MRPL10: variants seen among roughly 807,000 people sequenced by gnomAD.
The protein encoded by MRPL10 is mitochondrial ribosomal protein L10.
MRPL10 carries 14 observed loss-of-function variants against 19.8 expected under a neutral mutation model. That is an observed-to-expected ratio of 0.71 (90% CI 0.47 to 1.11). The LOEUF (loss-of-function observed/expected upper bound fraction) is 1.11, where lower values mean the gene tolerates loss of function less well. MRPL10 is among the 50% of genes least tolerant of loss of function. The pLI is 0.00. For missense variants in MRPL10, 318 were observed against 339.6 expected, an observed-to-expected ratio of 0.94 and a Z score of 0.50; for synonymous variants, 129 against 139.2, an observed-to-expected ratio of 0.93 and a Z score of 0.52.
chr17:47,826,932 G>A (rs1348307141), intron 3 of MRPL10, 108 bp downstream of exon 3: 1 of 1,448,862 alleles, frequency 6.9e-7, no homozygotes, highest in Non-Finnish European at 9.5e-7. Context: ...GGTGACTCAT[G>A]GAGAGGAGGA....
chr17:47,828,264 C>T, intron 2 of MRPL10: 2 of 376,118 alleles, frequency 5.3e-6, no homozygotes, highest in Non-Finnish European at 9.4e-6. Context: ...GGGTAGCTCT[C>T]ACACACACAT....
chr17:47,824,747 C>T (rs1321199316), intron 4 of MRPL10, among the ~76,000 whole-genome samples: 1 of 152,202 alleles, frequency 6.6e-6, no homozygotes, highest in Non-Finnish European at 1.5e-5. Context: ...GGTGTGGTGG[C>T]TCATGCCTGT....
At chr17:47,828,227 A>G in intron 2 of MRPL10, 1 of 287,114 alleles carries the variant, frequency 3.5e-6, no homozygotes, top group Admixed American at 5.2e-5. Context: ...AAGATTGGAG[A>G]GATACTCTCC....
intron 2 of MRPL10, 44 bp from the exon 3 acceptor site, chr17:47,827,248 T>C (rs1305328957): frequency 6.4e-7 from 1 of 1,551,704 alleles, no homozygotes. Flanking sequence ...AGCTGCCACT[T>C]CTCCTGGCAA....
At position 47,828,563 on chromosome 17, in the gene MRPL10, T is replaced by C; in HGVS notation, c.160A>G (p.Ile54Val). ...RQKLMAVTEY[I>V]PPKPAIHPSC... ...GGGTGGATGGCTGGTTTCGGGGGGA[T>C]ATATTCAGTCACAGCCATCAGCTTC... The change falls in exon 2 of 5, where the codon ATC becomes GTC. Residue 54 changes from isoleucine to valine, a missense_variant. By Grantham distance (29) the Ile-to-Val change is conservative. Transcript: ENST00000351111. The C allele has an allele frequency of 2.0e-6, 3 of 1,506,320 alleles. No individual in the cohort carries two copies. The highest frequency in any genetic ancestry group is 5.4e-5 in the East Asian group (2 of 36,948). 93.3% of individuals were successfully genotyped at this position (1,506,320 alleles called of 1,614,324 possible).
chr17:47,827,852 G>A (rs1007438873), intron 2 of MRPL10, among the ~76,000 whole-genome samples: 1 of 116,884 alleles, frequency 8.6e-6, no homozygotes, highest in African/African-American at 3.3e-5. Flanking sequence ...AGCCAAGAGT[G>A]TCCCACTGCA....
Position 47,829,011 on chromosome 17 carries a change from C to T in MRPL10, c.53-341G>A, listed in dbSNP as rs1028269688. 2.3e-5 allele frequency: 4 copies of T among 175,134 alleles called. No homozygotes were observed. In the East Asian group the frequency reaches 4.6e-4, roughly 20 times the overall value. The allele number at this position is 175,134 out of a possible 1,614,324, so 10.8% of individuals were successfully genotyped here. A position where few individuals can be genotyped will look rare whatever the true frequency, so the allele number is the denominator to read the frequency against. On this transcript the variant is annotated intron_variant, in intron 1 of 4. Transcript: ENST00000351111. The stretch of plus-strand genomic sequence containing the variant: ...AGTGTGGTGGCTGACACCTGTAATT[C>T]CAGCACTTTGGTAGGCCGAAGCGGG...
chr17:47,831,375 T>C, intron 1 of MRPL10, 85 bp downstream of exon 1: 1 of 1,543,234 alleles, frequency 6.5e-7, no homozygotes, highest in Non-Finnish European at 8.7e-7. Flanking sequence ...TCAGAGATTA[T>C]GGGAAGAATC....
intron 2 of MRPL10, chr17:47,828,263 TCA>T (rs1026478298): frequency 6.2e-5 from 23 of 370,386 alleles, no homozygotes; most frequent in African/African-American, 4.6e-4. Flanking sequence ...AGGGTAGCTC[TCA>T]CACACACATT....
Position 47,824,190 on chromosome 17 carries a change from G to A in MRPL10, c.*15C>T. On this transcript the variant is annotated 3_prime_UTR_variant, in exon 5 of 5. Coordinates refer to ENST00000351111, the MANE Select transcript of MRPL10 (RefSeq NM_145255.4). ...GCAGAGTGTATTTATGCGCAGGGCT[G>A]GCTAAACAGGCTGGCTACGAGTCCG... 1 of 1,614,092 alleles carries A rather than the reference G, an allele frequency of 6.2e-7. No individual in the cohort carries two copies. The highest frequency in any genetic ancestry group is 8.5e-7 in the Non-Finnish European group (1 of 1,180,022).
chr17:47,829,997 G>GT (rs2033601023), intron 1 of MRPL10, among the ~76,000 whole-genome samples: 1 of 152,168 alleles, frequency 6.6e-6, no homozygotes, highest in Non-Finnish European at 1.5e-5. Flanking sequence ...AGCAAATAGT[G>GT]TTTTTTGTTT....
intron 1 of MRPL10, among the ~76,000 whole-genome samples, chr17:47,830,062 GTGTTCTAACAAGCCCTCC>G (rs2033602209): frequency 6.6e-6 from 1 of 152,204 alleles, no homozygotes; most frequent in Non-Finnish European, 1.5e-5. Flanking sequence ...GTCACAAATA[GTGTTCTAACAAGCCCTCC>G]TGGTGATGCT....
chr17:47,824,770 T>C (rs1050101493), intron 4 of MRPL10, among the ~76,000 whole-genome samples: 5 of 152,110 alleles, frequency 3.3e-5, no homozygotes, highest in Non-Finnish European at 5.9e-5. Flanking sequence ...TCCCAGCACT[T>C]TGGGAGGCTG....
Position 47,828,575 on chromosome 17 carries a change from C to T in MRPL10, c.148G>A (p.Val50Met), listed in dbSNP as rs574734481. The T allele has an allele frequency of 4.0e-6, 6 of 1,513,578 alleles. No individual in the cohort carries two copies. The highest frequency in any genetic ancestry group is 2.5e-5 in the Admixed American group (1 of 39,892). The allele number at this position is 1,513,578 out of a possible 1,614,324, so 93.8% of individuals were successfully genotyped here. The change falls in exon 2 of 5, where the codon GTG (valine) becomes ATG (methionine). Residue 50 changes from valine to methionine, a missense_variant. By Grantham distance (21) the Val-to-Met change is conservative. Transcript: ENST00000351111. ...MHFQRQKLMA[V>M]TEYIPPKPAI... ...GGTTTCGGGGGGATATATTCAGTCACAGCCATCAGCTTCTGCCGCTGAAAG... is the reference window on the plus strand; with the variant it reads ...GGTTTCGGGGGGATATATTCAGTCATAGCCATCAGCTTCTGCCGCTGAAAG...
At position 47,828,538 on chromosome 17, in the gene MRPL10, G is replaced by A. The variant is rs2033572210; in HGVS notation, c.185C>T (p.Pro62Leu). 6.8e-7 allele frequency: 1 copy of A among 1,471,908 alleles called. No individual in the cohort carries two copies. Among genetic ancestry groups the A allele is most frequent in the African/African-American group, 1.5e-5 (1 of 67,672 alleles). 91.2% of individuals were successfully genotyped at this position (1,471,908 alleles called of 1,614,324 possible). A position where few individuals can be genotyped will look rare whatever the true frequency, so the allele number is the denominator to read the frequency against. ...EYIPPKPAIH[P>L]SCLPSPPSPP... ...GCTGGGAGGAGATGGCAGGCATGAT[G>A]GGTGGATGGCTGGTTTCGGGGGGAT... The change falls in exon 2 of 5, where the codon CCA (proline) becomes CTA (leucine). Residue 62 changes from proline to leucine, a missense_variant. Transcript: ENST00000351111.
Position 47,831,532 on chromosome 17 carries a change from G to C in MRPL10, c.-21C>G, listed in dbSNP as rs1346008478. 6.5e-7 allele frequency: 1 copy of C among 1,548,266 alleles called. No individual in the cohort carries two copies. Among genetic ancestry groups the C allele is most frequent in the Non-Finnish European group, 8.7e-7 (1 of 1,145,558 alleles). ...GCCATCTCCACCGGAAGAATGGACG[G>C]AAGCCGAGTGGAGACGGAAAGAGCT... is the stretch of plus-strand genomic sequence containing the variant. On this transcript the variant is annotated 5_prime_UTR_variant, in exon 1 of 5. Coordinates refer to ENST00000351111, the MANE Select transcript of MRPL10 (RefSeq NM_145255.4).
intron 2 of MRPL10, 151 bp downstream of exon 2, chr17:47,828,350 T>C (rs117004191): frequency 0.015 from 8,233 of 551,754 alleles, 78 homozygotes; most frequent in African/African-American, 0.02. Context: ...CAAGTGCGGA[T>C]TTCATCTTAA....
At chr17:47,831,161 G>C (rs1452440905) in intron 1 of MRPL10, 6 of 597,980 alleles carry the variant, frequency 1.0e-5, no homozygotes, top group Non-Finnish European at 1.3e-5. Context: ...TACAGATTGC[G>C]ACGGGGCTAA....
At chr17:47,828,795 G>T in intron 1 of MRPL10, 125 bp from the exon 2 acceptor site, 1 of 671,112 alleles carries the variant, frequency 1.5e-6, no homozygotes, top group Non-Finnish European at 2.2e-6. Context: ...CTCAACACAA[G>T]AGTGGGACAA....
Sources: gnomAD v4.1 joint callset for allele counts (sites outside exome capture counted in the v4.1 genomes callset) on GRCh38, gnomAD v4.1.1 for gene constraint, MANE v1.5 for transcripts, NCBI Gene and HGNC (gene_info 2026-07-23, HGNC 2026-07-21) for gene names.